WWOX: variants seen among roughly 807,000 people sequenced by gnomAD.
The protein encoded by WWOX is WW domain containing oxidoreductase, also known as WW domain-containing oxidoreductase.
Under a neutral mutation model 46.2 loss-of-function variants are expected in WWOX, and 69 were observed. The ratio of observed to expected loss-of-function variants is 1.49; its 90% CI spans 1.23 to 1.82. The LOEUF (loss-of-function observed/expected upper bound fraction) is 1.82, where lower values mean the gene tolerates loss of function less well. WWOX is among the 40% of genes most tolerant of loss of function. The probability of loss-of-function intolerance (pLI) is 0.00; values close to 1 mark genes in which losing one functional copy is unlikely to be tolerated. For missense variants in WWOX, 919 were observed against 542.6 expected (o/e 1.69, Z -6.89); for synonymous variants, 359 against 202.6 (o/e 1.77, Z -6.56).
intron 8 of WWOX, among the ~76,000 whole-genome samples, chr16:78,693,410 C>G (rs560063767): frequency 6.6e-6 from 1 of 152,170 alleles, no homozygotes; most frequent in Non-Finnish European, 1.5e-5. Context: ...AATATGCTGC[C>G]TGCTCTGTCA....
At chr16:78,862,273 C>G (rs750606164) in intron 8 of WWOX, among the ~76,000 whole-genome samples, 8 of 151,472 alleles carry the variant, frequency 5.3e-5, no homozygotes, top group Non-Finnish European at 7.4e-5. Context: ...CCTATACACA[C>G]CTATGGGTGT....
Position 78,842,038 on chromosome 16 carries a change from C to A in WWOX, c.1057-369570C>A, listed in dbSNP as rs544764131. On this transcript the variant is annotated intron_variant, in intron 8 of 8. Coordinates refer to ENST00000566780, the MANE Select transcript of WWOX (RefSeq NM_016373.4). Reference sequence around the variant, plus strand: ...TAAAGGTGAATGGTAATTGGCATCTCCCCTTCAAGGGGACCAGGAGGATCT... The same window carrying A: ...TAAAGGTGAATGGTAATTGGCATCTACCCTTCAAGGGGACCAGGAGGATCT... Among the ~76,000 whole-genome samples, 82 of 152,278 alleles carry A rather than the reference C, an allele frequency of 5.4e-4. 1 individual carries two copies. The South Asian group carries it at 0.016, about 29-fold the overall frequency.
chr16:78,565,370 T>A (rs549936515), intron 8 of WWOX, among the ~76,000 whole-genome samples: 4 of 152,208 alleles, frequency 2.6e-5, no homozygotes, highest in Non-Finnish European at 4.4e-5. Context: ...AGAATCTGTT[T>A]CCTTGCGTTT....
intron 5 of WWOX, among the ~76,000 whole-genome samples, chr16:78,166,069 T>A (rs1380614638): frequency 6.6e-6 from 1 of 152,190 alleles, no homozygotes; most frequent in Non-Finnish European, 1.5e-5. Flanking sequence ...AATGTGAAAG[T>A]CGTTCTTGGT....
intron 8 of WWOX, among the ~76,000 whole-genome samples, chr16:78,438,579 T>A (rs1405408144): frequency 6.6e-6 from 1 of 152,170 alleles, no homozygotes; most frequent in Non-Finnish European, 1.5e-5. Context: ...GTCACTTGCC[T>A]CTTAGGAGTG....
At chr16:79,107,379 C>T (rs970857725) in intron 8 of WWOX, among the ~76,000 whole-genome samples, 29 of 152,182 alleles carry the variant, frequency 1.9e-4, no homozygotes, top group African/African-American at 5.5e-4. Context: ...CGAGTCACCG[C>T]GCCCAGCCCA....
intron 8 of WWOX, among the ~76,000 whole-genome samples, chr16:78,774,399 C>A (rs75314226): frequency 6.7e-6 from 1 of 150,188 alleles, no homozygotes; most frequent in Non-Finnish European, 1.5e-5. Flanking sequence ...GACAATGTCT[C>A]AAAAAAAAAG....
chr16:78,715,656 T>C (rs2048544110), intron 8 of WWOX, among the ~76,000 whole-genome samples: 1 of 152,102 alleles, frequency 6.6e-6, no homozygotes, highest in South Asian at 2.1e-4. Context: ...TTTGTATTTT[T>C]AATAGAGACA....
At chr16:78,907,082 T>C (rs922340736) in intron 8 of WWOX, among the ~76,000 whole-genome samples, 1 of 152,042 alleles carries the variant, frequency 6.6e-6, no homozygotes, top group South Asian at 2.1e-4. Context: ...ACTGGAGCTT[T>C]ATTGTTACTC....
rs911341902 is a variant in WWOX at position 78,342,819 on chromosome 16, G to A, written c.517-44041G>A. Among the ~76,000 whole-genome samples the A allele has an allele frequency of 1.3e-4, 16 of 120,252 alleles. 6 individuals carry two copies. Among genetic ancestry groups the A allele is most frequent in the South Asian group, 5.0e-4 (2 of 4,016 alleles). 78.9% of individuals were successfully genotyped at this position (120,252 alleles called of 152,430 possible). ...CCACTATCATTCTGCCATCAACACC[G>A]AGGTGTCGGAGTAGCAGGAGAGCCA... is the stretch of plus-strand genomic sequence containing the variant. On this transcript the variant is annotated intron_variant, in intron 5 of 8. Coordinates refer to ENST00000566780, the MANE Select transcript of WWOX (RefSeq NM_016373.4).
At chr16:78,816,663 T>A (rs2051338832) in intron 8 of WWOX, among the ~76,000 whole-genome samples, 1 of 152,014 alleles carries the variant, frequency 6.6e-6, no homozygotes, top group Non-Finnish European at 1.5e-5. Flanking sequence ...ACAACCAAAT[T>A]GTAGTACAAT....
At chr16:78,787,347 T>G (rs1597609242) in intron 8 of WWOX, among the ~76,000 whole-genome samples, 2 of 152,206 alleles carry the variant, frequency 1.3e-5, no homozygotes, top group African/African-American at 4.8e-5. Context: ...CCCCAGCCCC[T>G]CATAACCACA....
intron 5 of WWOX, among the ~76,000 whole-genome samples, chr16:78,248,340 G>A (rs1256587880): frequency 1.2e-4 from 18 of 152,132 alleles, no homozygotes; most frequent in Admixed American, 1.2e-3. Context: ...TCTCAGGAGA[G>A]CCAACTCACC....
At chr16:78,938,615 C>T (rs1056947578) in intron 8 of WWOX, among the ~76,000 whole-genome samples, 3 of 152,172 alleles carry the variant, frequency 2.0e-5, no homozygotes, top group Non-Finnish European at 4.4e-5. Context: ...TTTATTCATT[C>T]ATTTGTTCAT....
intron 8 of WWOX, among the ~76,000 whole-genome samples, chr16:78,757,990 G>C (rs1010421230): frequency 1.3e-5 from 2 of 151,970 alleles, no homozygotes; most frequent in Non-Finnish European, 2.9e-5. Context: ...CCTTCTATCA[G>C]ATCAGCCAGG....
chr16:78,419,069 A>G (rs1482891806), intron 6 of WWOX, among the ~76,000 whole-genome samples: 1 of 152,208 alleles, frequency 6.6e-6, no homozygotes, highest in African/African-American at 2.4e-5. Flanking sequence ...GTACTTAAAA[A>G]ATATTAAAAT....
At chr16:78,289,736 A>T (rs954039932) in intron 5 of WWOX, among the ~76,000 whole-genome samples, 1 of 152,202 alleles carries the variant, frequency 6.6e-6, no homozygotes, top group African/African-American at 2.4e-5. Flanking sequence ...ACAACATTGC[A>T]GTCTTGTTTT....
intron 8 of WWOX, among the ~76,000 whole-genome samples, chr16:78,654,900 T>C (rs752406533): frequency 3.7e-4 from 57 of 152,278 alleles, no homozygotes; most frequent in Middle Eastern, 3.4e-3. Flanking sequence ...TGCATATGTG[T>C]ATGTGTGTGC....
chr16:78,291,189 G>A (rs569257848), intron 5 of WWOX, among the ~76,000 whole-genome samples: 4 of 152,196 alleles, frequency 2.6e-5, no homozygotes, highest in African/African-American at 9.6e-5. Flanking sequence ...ATTTTTATCT[G>A]ACATTTGAAG....
Sources: gnomAD v4.1 joint callset for allele counts (sites outside exome capture counted in the v4.1 genomes callset) on GRCh38, gnomAD v4.1.1 for gene constraint, MANE v1.5 for transcripts, NCBI Gene and HGNC (gene_info 2026-07-23, HGNC 2026-07-21) for gene names.